Variants in ENTREP2 observed in about 807,000 individuals in gnomAD.
ENTREP2 encodes protein ENTREP2.
chr15:29,588,043 A>G, the ENTREP2 span, among the ~76,000 whole-genome samples: 1 of 152,276 alleles, frequency 6.6e-6, no homozygotes, highest in Admixed American at 6.5e-5. Flanking sequence ...AATCACAATT[A>G]GTTAAAAGAT....
At chr15:29,232,940 C>A in the ENTREP2 span, among the ~76,000 whole-genome samples, 3,598 of 152,252 alleles carry the variant, frequency 0.024, 145 homozygotes, top group African/African-American at 0.082. Context: ...AGATAGTAAA[C>A]CATTTGTGCT....
At chr15:29,451,700 C>T in the ENTREP2 span, among the ~76,000 whole-genome samples, 7 of 152,284 alleles carry the variant, frequency 4.6e-5, no homozygotes, top group East Asian at 1.9e-4. Flanking sequence ...CCCTCCCCAC[C>T]GGAACCTTGC....
chr15:29,672,587 G>A, the ENTREP2 span, among the ~76,000 whole-genome samples: 1 of 151,952 alleles, frequency 6.6e-6, no homozygotes, highest in East Asian at 1.9e-4. Flanking sequence ...ATGTGTAATT[G>A]CCCAATGGGC....
the ENTREP2 span, among the ~76,000 whole-genome samples, chr15:29,298,268 GCATT>G: frequency 1.3e-5 from 2 of 152,156 alleles, no homozygotes; most frequent in Non-Finnish European, 2.9e-5. Context: ...AGCCCTGAGA[GCATT>G]TATTAGAGAA....
the ENTREP2 span, among the ~76,000 whole-genome samples, chr15:29,165,530 C>T: frequency 6.6e-6 from 1 of 152,092 alleles, no homozygotes; most frequent in Non-Finnish European, 1.5e-5. Flanking sequence ...TACAAAAGAT[C>T]ATTCAAGGCT....
chr15:29,189,723 C>T, the ENTREP2 span, among the ~76,000 whole-genome samples: 2 of 152,052 alleles, frequency 1.3e-5, no homozygotes, highest in Non-Finnish European at 2.9e-5. Context: ...GTTAACAGTT[C>T]TGATTTTTGT....
chr15:29,372,999 A>G, the ENTREP2 span, among the ~76,000 whole-genome samples: 2 of 152,170 alleles, frequency 1.3e-5, no homozygotes, highest in African/African-American at 2.4e-5. Context: ...TAAACATTTT[A>G]GAAATAAACA....
the ENTREP2 span, among the ~76,000 whole-genome samples, chr15:29,523,747 T>C: frequency 6.6e-6 from 1 of 152,000 alleles, no homozygotes; most frequent in Non-Finnish European, 1.5e-5. Flanking sequence ...TTATAGTCAA[T>C]TGATTTTCAA....
the ENTREP2 span, among the ~76,000 whole-genome samples, chr15:29,157,998 T>C: frequency 6.6e-6 from 1 of 152,178 alleles, no homozygotes; most frequent in Non-Finnish European, 1.5e-5. Flanking sequence ...ATTATAGACG[T>C]GAGCCACTGC....
At chr15:29,368,555 T>C in the ENTREP2 span, among the ~76,000 whole-genome samples, 3 of 151,652 alleles carry the variant, frequency 2.0e-5, no homozygotes, top group Non-Finnish European at 4.4e-5. Context: ...ACAGAAAATA[T>C]TAATGAAGAG....
the ENTREP2 span, among the ~76,000 whole-genome samples, chr15:29,493,423 G>A: frequency 1.3e-3 from 198 of 151,808 alleles, no homozygotes; most frequent in African/African-American, 4.7e-3. Context: ...GTGAGCCACC[G>A]CGCCCGGCCG....
chr15:29,204,930 C>T, the ENTREP2 span, among the ~76,000 whole-genome samples: 3 of 152,136 alleles, frequency 2.0e-5, no homozygotes, highest in South Asian at 2.1e-4. Context: ...ACCTCCACAA[C>T]TTTTTCATCT....
chr15:29,600,765 C>T, the ENTREP2 span, among the ~76,000 whole-genome samples: 5 of 152,156 alleles, frequency 3.3e-5, no homozygotes, highest in Non-Finnish European at 7.4e-5. Context: ...AGCCACCACA[C>T]CCAGCTTATG....
At chr15:29,150,893 G>C in the ENTREP2 span, among the ~76,000 whole-genome samples, 1 of 152,208 alleles carries the variant, frequency 6.6e-6, no homozygotes, top group South Asian at 2.1e-4. Context: ...GGGGCAAATT[G>C]AGAGACAGAG....
the ENTREP2 span, among the ~76,000 whole-genome samples, chr15:29,185,177 G>A: frequency 6.6e-6 from 1 of 152,064 alleles, no homozygotes. Context: ...GGCCAGGCTG[G>A]TCTTGAACTC....
chr15:29,644,157 G>A, the ENTREP2 span, among the ~76,000 whole-genome samples: 1 of 152,128 alleles, frequency 6.6e-6, no homozygotes, highest in Non-Finnish European at 1.5e-5. Flanking sequence ...CCTGGAAACA[G>A]CATGCTAAGT....
chr15:29,160,608 C>A, the ENTREP2 span, among the ~76,000 whole-genome samples: 7 of 148,990 alleles, frequency 4.7e-5, no homozygotes, highest in African/African-American at 1.7e-4. Flanking sequence ...ACTCAGGAGG[C>A]TGAGGCAGGA....
chr15:29,132,972 G>A, the ENTREP2 span, among the ~76,000 whole-genome samples: 1 of 152,118 alleles, frequency 6.6e-6, no homozygotes, highest in Non-Finnish European at 1.5e-5. Flanking sequence ...GGACAGAGCT[G>A]CCCCCGCGCC....
the ENTREP2 span, among the ~76,000 whole-genome samples, chr15:29,567,065 C>T: frequency 1.3e-5 from 2 of 152,172 alleles, no homozygotes; most frequent in Non-Finnish European, 2.9e-5. Flanking sequence ...AAACTATGAA[C>T]ACAGCTCATT....
Sources: allele counts gnomAD v4.1 joint callset (sites outside exome capture counted in the v4.1 genomes callset), GRCh38; gene constraint gnomAD v4.1.1; transcripts MANE v1.5; gene names NCBI Gene and HGNC (gene_info 2026-07-23, HGNC 2026-07-21).